The following USP26 variants were observed in gnomAD, a reference collection of about 807,000 sequenced individuals.
USP26 encodes ubiquitin specific peptidase 26.
For missense variants in USP26, 649 were observed against 642.3 expected, an observed-to-expected ratio of 1.01 and a Z score of -0.11; for synonymous variants, 236 against 240.6, an observed-to-expected ratio of 0.98 and a Z score of 0.18.
chrX:133,052,419 C>T (rs1004697271), intron 5 of USP26, among the ~76,000 whole-genome samples: 2 of 111,199 alleles, frequency 1.8e-5, no homozygotes, highest in African/African-American at 6.5e-5. Flanking sequence ...CTTTAAAATG[C>T]GGGAAAGGGA....
chrX:133,041,779 G>A (rs2067420409), intron 5 of USP26, among the ~76,000 whole-genome samples: 1 of 112,321 alleles, frequency 8.9e-6, no homozygotes, highest in South Asian at 3.7e-4. Context: ...CCGGCAGGCA[G>A]GAAGGATTAA....
chrX:133,073,969 GA>G (rs1316460681), intron 5 of USP26, among the ~76,000 whole-genome samples: 1 of 111,205 alleles, frequency 9.0e-6, no homozygotes, highest in Admixed American at 9.6e-5. Context: ...CTGAAAAAAA[GA>G]GATAATGTAC....
rs748525921 is a variant in USP26 at position 133,027,268 on chromosome X, G to A, written c.953C>T (p.Ser318Leu). The change falls in exon 6 of 6, where the codon TCG becomes TTG. Residue 318 changes from serine to leucine, a missense_variant. Physicochemically the swap from Ser to Leu is moderately radical, Grantham distance 145. Transcript: ENST00000511190. The stretch of plus-strand genomic sequence containing the variant: ...CTGATTAAGTAAATCATCAGCAAAC[G>A]ATGGGATTGAAAGTAGAGACTGTAA... ...AVLQSLLSIP[S>L]FADDLLNQSF... 8 of 1,209,763 alleles carry A rather than the reference G, an allele frequency of 6.6e-6. No homozygotes were observed. The highest frequency in any genetic ancestry group is 2.2e-5 in the Admixed American group (1 of 45,699).
Position 133,027,626 on chromosome X carries a change from T to A in USP26, c.595A>T (p.Asn199Tyr), listed in dbSNP as rs1316398253. Residue 199 changes from asparagine (N) to tyrosine (Y), a missense_variant, in exon 6 of 6, where the codon AAT becomes TAT. By Grantham distance (143) the Asn-to-Tyr change is moderately radical. Transcript: ENST00000511190. The part of the protein sequence containing the change: ...EMNEEFLKEN[N>Y]SVEYKKSKAD... Reference sequence around the variant, plus strand: ...TTGGATTTCTTGTATTCTACAGAATTATTTTCTTTCAAGAATTCCTCATTC... The same window carrying A: ...TTGGATTTCTTGTATTCTACAGAATAATTTTCTTTCAAGAATTCCTCATTC... 1.7e-6 allele frequency: 2 copies of A among 1,209,464 alleles called. No individual in the cohort carries two copies. The highest frequency in any genetic ancestry group is 2.2e-5 in the Admixed American group (1 of 45,673).
At chrX:133,084,305 C>CA (rs2067580660) in intron 4 of USP26, among the ~76,000 whole-genome samples, 1 of 110,013 alleles carries the variant, frequency 9.1e-6, no homozygotes, top group South Asian at 3.9e-4. Flanking sequence ...CTCAAGTGAT[C>CA]CTCCCACCTC....
chrX:133,067,152 A>G (rs754620803), intron 5 of USP26, among the ~76,000 whole-genome samples: 1 of 112,939 alleles, frequency 8.9e-6, no homozygotes, highest in East Asian at 2.8e-4. Flanking sequence ...CATTAGAGAA[A>G]TGCAAGTCAA....
intron 5 of USP26, among the ~76,000 whole-genome samples, chrX:133,030,691 G>A (rs1227613606): frequency 8.9e-6 from 1 of 112,358 alleles, no homozygotes. Context: ...ATTATTTCAA[G>A]AGGTAGAAGA....
chrX:133,042,791 G>T (rs1200928223), intron 5 of USP26, among the ~76,000 whole-genome samples: 1 of 112,007 alleles, frequency 8.9e-6, no homozygotes, highest in African/African-American at 3.2e-5. Flanking sequence ...CAGTATCAGT[G>T]CCTGTCACTG....
intron 5 of USP26, among the ~76,000 whole-genome samples, chrX:133,075,700 AT>A (rs1444654977): frequency 3.6e-5 from 4 of 111,941 alleles, no homozygotes; most frequent in Non-Finnish European, 7.5e-5. Flanking sequence ...AGAAAAAAAA[AT>A]ATGTCAGACA....
At chrX:133,091,032 C>A (rs1417227518) in intron 2 of USP26, among the ~76,000 whole-genome samples, 1 of 112,093 alleles carries the variant, frequency 8.9e-6, no homozygotes, top group Non-Finnish European at 1.9e-5. Flanking sequence ...AGCTGAGCTG[C>A]CAGACTACTG....
In USP26 at chrX:133,026,915, T is replaced by A; in HGVS notation, c.1306A>T (p.Thr436Ser). ...DTSGFSCPVI[T>S]NFELELLHSI... ...TGCAACAACTCTAACTCAAAATTAG[T>A]AATGACAGGGCAAGAAAACCCACTG... Residue 436 changes from threonine to serine, a missense_variant, in exon 6 of 6, where the codon ACT becomes TCT. Thr to Ser is a moderately conservative substitution (Grantham distance 58). Coordinates refer to ENST00000511190, the MANE Select transcript of USP26 (RefSeq NM_031907.3). 8.3e-7 allele frequency: 1 copy of A among 1,211,434 alleles called. No homozygotes were observed. Among genetic ancestry groups the A allele is most frequent in the Non-Finnish European group, 1.1e-6 (1 of 895,410 alleles).
Position 133,027,584 on chromosome X carries a change from A to C in USP26, c.637T>G (p.Cys213Gly), listed in dbSNP as rs2067357737. The change falls in exon 6 of 6, where the codon TGT becomes GGT. Residue 213 changes from cysteine to glycine, a missense_variant. Coordinates refer to ENST00000511190, the MANE Select transcript of USP26 (RefSeq NM_031907.3). ...YKKSKADCSR[C>G]VSYNREKQLK... is the part of the protein sequence containing the mutation. ...TGTTTCTCTCGATTATAGCTTACAC[A>C]CCTCGAACAATCTGCCTTGGATTTC... The C allele has an allele frequency of 1.7e-6, 2 of 1,207,488 alleles. No homozygotes were observed. The highest frequency in any genetic ancestry group is 2.2e-6 in the Non-Finnish European group (2 of 893,328).
intron 5 of USP26, among the ~76,000 whole-genome samples, chrX:133,078,861 A>G (rs897569539): frequency 3.6e-5 from 4 of 112,247 alleles, no homozygotes; most frequent in African/African-American, 1.3e-4. Context: ...ACAAATGCAA[A>G]TAACTGTTCA....
intron 1 of USP26, among the ~76,000 whole-genome samples, chrX:133,096,396 C>A (rs1041643638): frequency 9.0e-6 from 1 of 110,606 alleles, no homozygotes; most frequent in African/African-American, 3.3e-5. Context: ...GACCAGACAA[C>A]ATTTTCAAGT....
At chrX:133,028,381 T>C in intron 5 of USP26, 85 bp from the exon 6 acceptor site, 1 of 608,666 alleles carries the variant, frequency 1.6e-6, no homozygotes, top group Non-Finnish European at 2.6e-6. Context: ...TACTAGAGTC[T>C]AGTTCAGGTT....
rs35348009 is a variant in USP26, at chrX:133,025,031, CAAAA to C, written c.*444_*447del. ...AGTGAGACCCTGTCTCTGCAAAAAG[CAAAA>C]AAAAAAAAAAAAATAGCTAGGCCTG... On this transcript the variant is annotated 3_prime_UTR_variant, in exon 6 of 6. Coordinates refer to ENST00000511190, the MANE Select transcript of USP26 (RefSeq NM_031907.3). The C allele has an allele frequency of 3.8e-4, 28 of 73,502 alleles. No individual in the cohort carries two copies. Among genetic ancestry groups the C allele is most frequent in the East Asian group, 8.6e-4 (2 of 2,313 alleles). 6.1% of individuals were successfully genotyped at this position (73,502 alleles called of 1,213,427 possible). A position where few individuals can be genotyped will look rare whatever the true frequency, so the allele number is the denominator to read the frequency against.
chrX:133,068,968 A>AT (rs1277336833), intron 5 of USP26, among the ~76,000 whole-genome samples: 1 of 111,779 alleles, frequency 8.9e-6, no homozygotes, highest in Admixed American at 9.5e-5. Flanking sequence ...AAAATTCATA[A>AT]TTTTCTGATA....
intron 5 of USP26, among the ~76,000 whole-genome samples, chrX:133,034,722 G>C (rs1447148938): frequency 3.6e-5 from 4 of 111,424 alleles, no homozygotes; most frequent in African/African-American, 1.3e-4. Context: ...TTTAAAGAAG[G>C]CTGGGCATGG....
chrX:133,048,124 TC>T (rs2067446685), intron 5 of USP26, among the ~76,000 whole-genome samples: 1 of 111,804 alleles, frequency 8.9e-6, no homozygotes, highest in Non-Finnish European at 1.9e-5. Flanking sequence ...GCATTGCCTT[TC>T]CCTTCCTAAA....
Sources: allele counts gnomAD v4.1 joint callset (sites outside exome capture counted in the v4.1 genomes callset), GRCh38; gene constraint gnomAD v4.1.1; transcripts MANE v1.5; gene names NCBI Gene and HGNC (gene_info 2026-07-23, HGNC 2026-07-21).